Variants in NBAS observed in about 807,000 individuals in gnomAD.
The protein encoded by NBAS is NAG/BC035112 fusion.
Under a neutral mutation model 302.5 loss-of-function variants are expected in NBAS, and 219 were observed. The ratio of observed to expected loss-of-function variants is 0.72; its 90% confidence interval spans 0.65 to 0.81. The LOEUF is 0.81. Ranked by LOEUF, NBAS falls within the 30% of genes least tolerant of loss-of-function variation. The pLI is 0.00. For synonymous variants in NBAS, 1,118 were observed against 1,021.6 expected, an observed-to-expected ratio of 1.09 and a Z score of -1.80; for missense variants, 2,932 against 2,841.6, an observed-to-expected ratio of 1.03 and a Z score of -0.72.
chr2:15,525,890 C>T (rs1198283149), intron 9 of NBAS, among the ~76,000 whole-genome samples: 2 of 152,012 alleles, frequency 1.3e-5, no homozygotes, highest in African/African-American at 4.8e-5. Flanking sequence ...AAAATCTATA[C>T]ATAAAGTCTT....
chr2:14,801,388 CTA>C, the NBAS span, among the ~76,000 whole-genome samples: 1,762 of 152,128 alleles, frequency 0.012, 43 homozygotes, highest in African/African-American at 0.04. Flanking sequence ...GTTTATATTG[CTA>C]TGACTTTAAT....
At chr2:15,388,776 T>C (rs1450190636) in intron 28 of NBAS, among the ~76,000 whole-genome samples, 1 of 152,144 alleles carries the variant, frequency 6.6e-6, no homozygotes, top group East Asian at 1.9e-4. Context: ...ATGAGTTACG[T>C]TCACAAAATG....
the NBAS span, among the ~76,000 whole-genome samples, chr2:15,094,815 C>T: frequency 4.6e-5 from 7 of 152,138 alleles, no homozygotes; most frequent in Non-Finnish European, 7.3e-5. Context: ...AGCAGGAAGC[C>T]GACGGGGTCT....
chr2:15,530,220 T>C (rs1663155365), intron 9 of NBAS, among the ~76,000 whole-genome samples: 1 of 152,148 alleles, frequency 6.6e-6, no homozygotes, highest in East Asian at 1.9e-4. Context: ...ACTTCACCTA[T>C]CATTTCCTGA....
chr2:15,554,101 A>G lies in NBAS; in HGVS notation c.247T>C (p.Leu83=), dbSNP rs1664526424. ...PFLLPDGLVR[L]VNKQINWHLV... is the part of the protein sequence containing the mutation. Reference sequence around the variant, plus strand: ...TGCCAGTTTATCTGTTTATTAACCAAGCGAACCAGTCCATCAGGGAGCAAA... The same window carrying G: ...TGCCAGTTTATCTGTTTATTAACCAGGCGAACCAGTCCATCAGGGAGCAAA... Residue 83 remains leucine, a synonymous_variant, in exon 4 of 52, where the codon TTG becomes CTG. Coordinates refer to ENST00000281513, the MANE Select transcript of NBAS (RefSeq NM_015909.4). 1 of 1,614,024 alleles carries G rather than the reference A, an allele frequency of 6.2e-7. No individual in the cohort carries two copies.
the NBAS span, among the ~76,000 whole-genome samples, chr2:14,901,878 G>C: frequency 6.6e-6 from 1 of 152,150 alleles, no homozygotes; most frequent in African/African-American, 2.4e-5. Context: ...CCACAAGCAG[G>C]AATGGACCCT....
the NBAS span, among the ~76,000 whole-genome samples, chr2:14,965,302 A>T: frequency 1.3e-5 from 2 of 152,154 alleles, no homozygotes; most frequent in Admixed American, 1.3e-4. Context: ...CAGACTGGTT[A>T]GTTAGAAACA....
chr2:14,792,759 A>T, the NBAS span, among the ~76,000 whole-genome samples: 1 of 152,194 alleles, frequency 6.6e-6, no homozygotes, highest in Non-Finnish European at 1.5e-5. Flanking sequence ...ATCATCCATT[A>T]TACTAAAAAC....
At chr2:15,372,169 A>G (rs1339713565) in intron 31 of NBAS, among the ~76,000 whole-genome samples, 3 of 152,230 alleles carry the variant, frequency 2.0e-5, no homozygotes, top group Non-Finnish European at 2.9e-5. Context: ...TATTATAGAA[A>G]TAACATGTGG....
chr2:15,028,288 C>T, the NBAS span, among the ~76,000 whole-genome samples: 20 of 152,108 alleles, frequency 1.3e-4, no homozygotes, highest in Non-Finnish European at 2.4e-4. Flanking sequence ...TGGAAAAACC[C>T]GAAGGGCTAG....
At chr2:15,046,333 A>G in the NBAS span, among the ~76,000 whole-genome samples, 1 of 152,232 alleles carries the variant, frequency 6.6e-6, no homozygotes, top group Admixed American at 6.5e-5. Context: ...TCATATTCCA[A>G]TTCATATAGT....
At chr2:15,379,574 C>T in intron 30 of NBAS, 28 bp downstream of exon 30, 1 of 1,601,740 alleles carries the variant, frequency 6.2e-7, no homozygotes, top group Non-Finnish European at 8.6e-7. Flanking sequence ...CCCCCTCCAT[C>T]TTAGGGAAGA....
chr2:15,478,101 A>AAAT (rs111288364), intron 13 of NBAS, 125 bp downstream of exon 13: 3 of 680,868 alleles, frequency 4.4e-6, no homozygotes. Context: ...CAACTCTATG[A>AAAT]AATCTTGATG....
At chr2:15,024,859 A>G in the NBAS span, among the ~76,000 whole-genome samples, 7 of 152,186 alleles carry the variant, frequency 4.6e-5, no homozygotes, top group African/African-American at 1.7e-4. Flanking sequence ...TATTCTGGAT[A>G]TTAGAACTTA....
chr2:14,835,405 C>A, the NBAS span, among the ~76,000 whole-genome samples: 198 of 151,986 alleles, frequency 1.3e-3, no homozygotes, highest in African/African-American at 4.7e-3. Flanking sequence ...ATGTAACTCC[C>A]GGCTAGGTGA....
At chr2:15,026,053 T>C in the NBAS span, among the ~76,000 whole-genome samples, 1 of 152,074 alleles carries the variant, frequency 6.6e-6, no homozygotes, top group African/African-American at 2.4e-5. Flanking sequence ...GTTTTCAGTA[T>C]GATGCTGGCT....
At chr2:14,938,190 T>C in the NBAS span, among the ~76,000 whole-genome samples, 4 of 152,102 alleles carry the variant, frequency 2.6e-5, no homozygotes, top group African/African-American at 9.7e-5. Context: ...TACTTAACAC[T>C]GAAAGCATTA....
the NBAS span, among the ~76,000 whole-genome samples, chr2:15,071,855 C>T: frequency 1.3e-5 from 2 of 152,230 alleles, no homozygotes; most frequent in East Asian, 3.9e-4. Context: ...AATGTATCTA[C>T]ACAGCGGCTT....
chr2:15,139,000 T>C, the NBAS span, among the ~76,000 whole-genome samples: 2 of 152,200 alleles, frequency 1.3e-5, no homozygotes, highest in African/African-American at 2.4e-5. Flanking sequence ...TCTTAAGTTT[T>C]CTGCTGATTT....
Sources: gnomAD v4.1 joint callset for allele counts (sites outside exome capture counted in the v4.1 genomes callset) on GRCh38, gnomAD v4.1.1 for gene constraint, MANE v1.5 for transcripts, NCBI Gene and HGNC (gene_info 2026-07-23, HGNC 2026-07-21) for gene names.